The following CLSTN2 variants were observed in gnomAD, a reference collection of about 807,000 sequenced individuals.
CLSTN2 encodes calsyntenin-2.
CLSTN2 carries 48 observed loss-of-function variants against 101.2 expected under a neutral mutation model. The observed-to-expected ratio is 0.47, with a 90% CI of 0.38 to 0.60. The LOEUF (loss-of-function observed/expected upper bound fraction) is 0.60, where lower values mean the gene tolerates loss of function less well. CLSTN2 is among the 20% of genes least tolerant of loss of function. The probability of loss-of-function intolerance (pLI) is 0.00; values close to 1 mark genes in which losing one functional copy is unlikely to be tolerated. For synonymous variants in CLSTN2, 481 were observed against 463.6 expected (o/e 1.04, Z -0.48); for missense variants, 1,160 against 1,238.2 (o/e 0.94, Z 0.95).
chr3:140,185,699 G>C (rs928310829), intron 2 of CLSTN2, among the ~76,000 whole-genome samples: 2 of 152,088 alleles, frequency 1.3e-5, no homozygotes, highest in Non-Finnish European at 2.9e-5. Flanking sequence ...GAGATGGTGG[G>C]GGGCACGTGG....
chr3:140,529,963 A>C (rs1442488872), intron 8 of CLSTN2, among the ~76,000 whole-genome samples: 2 of 152,308 alleles, frequency 1.3e-5, no homozygotes, highest in East Asian at 1.9e-4. Flanking sequence ...AGCTCTCTTA[A>C]CCTCTGTGAG....
chr3:140,218,012 G>A (rs1199590200), intron 2 of CLSTN2, among the ~76,000 whole-genome samples: 1 of 152,212 alleles, frequency 6.6e-6, no homozygotes, highest in African/African-American at 2.4e-5. Context: ...CCATTTATGA[G>A]CAGCAGGATG....
At chr3:139,940,561 A>G (rs1404848928) in intron 1 of CLSTN2, among the ~76,000 whole-genome samples, 1 of 152,108 alleles carries the variant, frequency 6.6e-6, no homozygotes, top group African/African-American at 2.4e-5. Flanking sequence ...ATCTCTTAGA[A>G]ATCCAATAGC....
chr3:140,151,019 G>A lies in CLSTN2; in HGVS notation c.110-24932G>A, dbSNP rs79119695. 2.5e-3 allele frequency among the ~76,000 whole-genome samples: 376 copies of A among 152,054 alleles called. 2 individuals are homozygous for A. The highest frequency in any genetic ancestry group is 0.01 in the Middle Eastern group (3 of 294). The stretch of plus-strand genomic sequence containing the variant: ...GGTTTTATCACTGATGTTGGATTGT[G>A]ATCTTCACAATGGAAGGCCTGTACC... On this transcript the variant is annotated intron_variant, in intron 1 of 16. Coordinates refer to ENST00000458420, the MANE Select transcript of CLSTN2 (RefSeq NM_022131.3).
chr3:140,272,876 A>G (rs2086755799), intron 2 of CLSTN2, among the ~76,000 whole-genome samples: 1 of 152,132 alleles, frequency 6.6e-6, no homozygotes, highest in Non-Finnish European at 1.5e-5. Context: ...GTGATTGGCA[A>G]TGTTCCTTTC....
rs192354364 is a variant in CLSTN2, at chr3:140,362,042, A to G, written c.233-41587A>G. ...TTGAAAAGGAATAACGAAGTCAAAG[A>G]CTTAGGCTTTGTGATTTCAAAACTT... is the stretch of plus-strand genomic sequence containing the variant. On this transcript the variant is annotated intron_variant, in intron 2 of 16. Transcript: ENST00000458420. 2.2e-4 allele frequency among the ~76,000 whole-genome samples: 33 copies of G among 152,304 alleles called. 1 individual carries two copies. The highest frequency in any genetic ancestry group is 1.8e-3 in the Admixed American group (28 of 15,290).
chr3:140,168,629 A>T (rs1385398507), intron 1 of CLSTN2, among the ~76,000 whole-genome samples: 1 of 152,072 alleles, frequency 6.6e-6, no homozygotes, highest in East Asian at 1.9e-4. Flanking sequence ...TATAATTTTG[A>T]CTTCTACATT....
At chr3:140,330,351 G>A (rs1047373799) in intron 2 of CLSTN2, among the ~76,000 whole-genome samples, 1 of 152,212 alleles carries the variant, frequency 6.6e-6, no homozygotes, top group Non-Finnish European at 1.5e-5. Flanking sequence ...GTGTGGGAAA[G>A]TTATTGCTCC....
At chr3:140,155,358 A>G (rs1461976429) in intron 1 of CLSTN2, among the ~76,000 whole-genome samples, 2 of 152,188 alleles carry the variant, frequency 1.3e-5, no homozygotes, top group African/African-American at 4.8e-5. Flanking sequence ...GAAAAAGCAG[A>G]AATCAAGGTA....
At chr3:140,489,908 T>C (rs968347247) in intron 8 of CLSTN2, among the ~76,000 whole-genome samples, 1 of 149,760 alleles carries the variant, frequency 6.7e-6, no homozygotes, top group African/African-American at 2.5e-5. Flanking sequence ...AGAGAAATAG[T>C]GCGTCTAGGG....
chr3:139,965,034 G>C (rs1935569884), intron 1 of CLSTN2, among the ~76,000 whole-genome samples: 1 of 152,056 alleles, frequency 6.6e-6, no homozygotes, highest in African/African-American at 2.4e-5. Flanking sequence ...TTATACTTTG[G>C]GAGTTTTCTT....
At chr3:140,498,865 A>T (rs1345936491) in intron 8 of CLSTN2, among the ~76,000 whole-genome samples, 1 of 152,060 alleles carries the variant, frequency 6.6e-6, no homozygotes, top group Non-Finnish European at 1.5e-5. Context: ...AGCCTTGGTT[A>T]CTATTGTCAT....
intron 1 of CLSTN2, among the ~76,000 whole-genome samples, chr3:139,975,077 C>T (rs1282428444): frequency 6.6e-6 from 1 of 152,166 alleles, no homozygotes; most frequent in African/African-American, 2.4e-5. Context: ...GAGGCTGAGA[C>T]TCTGAGTGAG....
chr3:140,485,529 G>T (rs1489411907), intron 8 of CLSTN2, among the ~76,000 whole-genome samples: 2 of 152,314 alleles, frequency 1.3e-5, no homozygotes, highest in African/African-American at 4.8e-5. Flanking sequence ...GCTGCCTTTT[G>T]TTTGGCTATG....
chr3:139,995,844 G>C (rs946884422), intron 1 of CLSTN2, among the ~76,000 whole-genome samples: 1 of 152,192 alleles, frequency 6.6e-6, no homozygotes, highest in Non-Finnish European at 1.5e-5. Flanking sequence ...GGAAATTGCC[G>C]ATCTTCAATT....
intron 10 of CLSTN2, among the ~76,000 whole-genome samples, chr3:140,550,485 C>T (rs973023641): frequency 6.6e-5 from 10 of 151,470 alleles, no homozygotes; most frequent in Admixed American, 3.9e-4. Context: ...GTTTGTGTTG[C>T]TTCCTTAGGG....
In CLSTN2 at chr3:140,027,442, G is replaced by A. The variant is rs566311054; in HGVS notation, c.109+91959G>A. 5.9e-5 allele frequency among the ~76,000 whole-genome samples: 9 copies of A among 152,252 alleles called. No individual in the cohort carries two copies. The East Asian group carries it at 1.7e-3, about 29-fold the overall frequency. On this transcript the variant is annotated intron_variant, in intron 1 of 16. Transcript: ENST00000458420. Reference sequence around the variant, plus strand: ...CCAAGCTCCACCAGAAGCTAGAAGGGTCATCCCTTGGAACCTTCAGAGGGA... The same window carrying A: ...CCAAGCTCCACCAGAAGCTAGAAGGATCATCCCTTGGAACCTTCAGAGGGA...
chr3:140,295,253 C>T (rs1331079773), intron 2 of CLSTN2, among the ~76,000 whole-genome samples: 2 of 152,006 alleles, frequency 1.3e-5, no homozygotes, highest in Admixed American at 6.6e-5. Context: ...CTGTAAATTA[C>T]GTATTTTCTT....
At chr3:140,541,991 TA>T (rs1183685770) in intron 9 of CLSTN2, among the ~76,000 whole-genome samples, 22 of 152,184 alleles carry the variant, frequency 1.4e-4, no homozygotes, top group African/African-American at 5.3e-4. Flanking sequence ...AGATGGAAGG[TA>T]AGGTAGAAGA....
Sources: gnomAD v4.1 joint callset for allele counts (sites outside exome capture counted in the v4.1 genomes callset) on GRCh38, gnomAD v4.1.1 for gene constraint, MANE v1.5 for transcripts, NCBI Gene and HGNC (gene_info 2026-07-23, HGNC 2026-07-21) for gene names.